Variants in MAGI1 observed in about 807,000 individuals in gnomAD.
MAGI1 encodes membrane-associated guanylate kinase, WW and PDZ domain-containing protein 1.
A neutral mutation model predicts 139.9 loss-of-function variants in MAGI1; 58 were observed. That is an observed-to-expected ratio of 0.41 (90% CI 0.34 to 0.52). MAGI1 has a LOEUF of 0.52. Among genes scored for constraint, MAGI1 ranks in the 20% least tolerant of loss-of-function variants. The pLI, the probability that MAGI1 is intolerant of heterozygous loss-of-function variation, is 0.12. For missense variants in MAGI1, 1,874 were observed against 1,901.6 expected (o/e 0.99, Z 0.27); for synonymous variants, 812 against 737.9 (o/e 1.10, Z -1.63).
At chr3:65,976,732 A>G (rs1268954923) in intron 1 of MAGI1, among the ~76,000 whole-genome samples, 1 of 152,188 alleles carries the variant, frequency 6.6e-6, no homozygotes, top group Non-Finnish European at 1.5e-5. Flanking sequence ...TTGACTTTGA[A>G]CCAAACTCAA....
At chr3:65,627,292 G>A (rs572886139) in intron 1 of MAGI1, among the ~76,000 whole-genome samples, 1 of 152,128 alleles carries the variant, frequency 6.6e-6, no homozygotes, top group South Asian at 2.1e-4. Flanking sequence ...ACTCTATGAT[G>A]TGTGCATGAC....
At chr3:65,597,925 T>TGGGGGGGGGGGGAGGGGGGGGGGGGG in intron 2 of MAGI1, 1 of 394,352 alleles carries the variant, frequency 2.5e-6, no homozygotes, top group Non-Finnish European at 5.0e-6. Context: ...GAGGCGGGGG[T>TGGGGGGGGGGGGAGGGGGGGGGGGGG]GGGGGGGGGG....
chr3:65,882,359 A>C (rs752600636), intron 1 of MAGI1, among the ~76,000 whole-genome samples: 1 of 152,204 alleles, frequency 6.6e-6, no homozygotes, highest in Non-Finnish European at 1.5e-5. Context: ...AATAACTCTA[A>C]AGACCTAGGA....
intron 1 of MAGI1, among the ~76,000 whole-genome samples, chr3:65,650,217 C>A (rs906171677): frequency 2.0e-5 from 3 of 152,182 alleles, no homozygotes; most frequent in African/African-American, 7.2e-5. Context: ...TGACCCTGGA[C>A]TTCTCAGCCT....
intron 2 of MAGI1, among the ~76,000 whole-genome samples, chr3:65,572,458 A>C (rs961668899): frequency 6.6e-6 from 1 of 152,064 alleles, no homozygotes; most frequent in Non-Finnish European, 1.5e-5. Context: ...AAACTGAATA[A>C]CCAGCTGGGG....
intron 10 of MAGI1, among the ~76,000 whole-genome samples, chr3:65,432,230 T>C (rs773038168): frequency 3.9e-5 from 6 of 152,148 alleles, no homozygotes; most frequent in African/African-American, 7.2e-5. Flanking sequence ...GCTTCTTTCA[T>C]CTCTTCTAAC....
chr3:65,891,660 T>C (rs2060752357), intron 1 of MAGI1, among the ~76,000 whole-genome samples: 1 of 143,518 alleles, frequency 7.0e-6, no homozygotes, highest in Non-Finnish European at 1.5e-5. Flanking sequence ...AGCAAAATAC[T>C]TGACAAGCAA....
At chr3:65,413,318 A>C (rs1283486257) in intron 12 of MAGI1, among the ~76,000 whole-genome samples, 1 of 152,228 alleles carries the variant, frequency 6.6e-6, no homozygotes, top group Non-Finnish European at 1.5e-5. Context: ...CTTTACTCCA[A>C]TATCTTAAAT....
intron 1 of MAGI1, among the ~76,000 whole-genome samples, chr3:65,630,890 G>A (rs1018765769): frequency 2.6e-5 from 4 of 152,192 alleles, no homozygotes; most frequent in Admixed American, 6.5e-5. Context: ...AGAAGCAGTC[G>A]CCAGACAATT....
chr3:65,565,909 G>C (rs542051064), intron 2 of MAGI1, among the ~76,000 whole-genome samples: 2 of 150,518 alleles, frequency 1.3e-5, no homozygotes, highest in South Asian at 4.2e-4. Context: ...CAGTGGATTT[G>C]GAGGAAGTCC....
chr3:65,440,367 A>G (rs2107416216), intron 8 of MAGI1, among the ~76,000 whole-genome samples: 1 of 152,312 alleles, frequency 6.6e-6, no homozygotes, highest in East Asian at 1.9e-4. Context: ...GGAAACAGGC[A>G]TGCAAGCTCA....
intron 2 of MAGI1, among the ~76,000 whole-genome samples, chr3:65,564,595 A>C (rs79992435): frequency 0.024 from 3,699 of 152,320 alleles, 129 homozygotes; most frequent in African/African-American, 0.078. Flanking sequence ...TAAATAAATA[A>C]GTAAAAATAG....
chr3:65,650,254 G>C (rs895023807), intron 1 of MAGI1, among the ~76,000 whole-genome samples: 6 of 152,124 alleles, frequency 3.9e-5, no homozygotes, highest in African/African-American at 1.4e-4. Flanking sequence ...TAAAATTCTT[G>C]TCTTTATAAA....
intron 1 of MAGI1, chr3:65,687,805 C>A (rs1248084904): frequency 8.5e-6 from 5 of 585,948 alleles, no homozygotes; most frequent in Non-Finnish European, 1.7e-5. Context: ...GAAATCAGTT[C>A]TTCTGATGCT....
intron 1 of MAGI1, among the ~76,000 whole-genome samples, chr3:65,930,798 C>T (rs1438409022): frequency 6.6e-6 from 1 of 152,164 alleles, no homozygotes; most frequent in East Asian, 1.9e-4. Flanking sequence ...CTAAAAGACA[C>T]TCCCACCAGT....
At chr3:65,819,508 C>T (rs1021504527) in intron 1 of MAGI1, among the ~76,000 whole-genome samples, 2 of 151,882 alleles carry the variant, frequency 1.3e-5, no homozygotes, top group Non-Finnish European at 2.9e-5. Flanking sequence ...TCCTTCAAAC[C>T]AAGTTAACTC....
At chr3:65,559,644 G>A (rs944067992) in intron 2 of MAGI1, among the ~76,000 whole-genome samples, 2 of 152,112 alleles carry the variant, frequency 1.3e-5, no homozygotes, top group African/African-American at 2.4e-5. Flanking sequence ...TACAAGGTAG[G>A]GATCGTTATT....
At chr3:66,022,796 C>T (rs1040329169) in intron 1 of MAGI1, among the ~76,000 whole-genome samples, 8 of 152,098 alleles carry the variant, frequency 5.3e-5, no homozygotes, top group African/African-American at 1.9e-4. Flanking sequence ...CACATATGTA[C>T]CTAGAGTTCA....
At chr3:65,462,686 T>G (rs1225936826) in intron 5 of MAGI1, among the ~76,000 whole-genome samples, 2 of 152,202 alleles carry the variant, frequency 1.3e-5, no homozygotes, top group African/African-American at 4.8e-5. Flanking sequence ...GGGATAGCAT[T>G]GAATCTATAA....
Sources: allele counts gnomAD v4.1 joint callset (sites outside exome capture counted in the v4.1 genomes callset), GRCh38; gene constraint gnomAD v4.1.1; transcripts MANE v1.5; gene names NCBI Gene and HGNC (gene_info 2026-07-23, HGNC 2026-07-21).